The following ZNF804B variants were observed in gnomAD, a reference collection of about 807,000 sequenced individuals.
The protein encoded by ZNF804B is zinc finger protein 804B.
ZNF804B carries 80 observed loss-of-function variants against 101.4 expected under a neutral mutation model. That is an observed-to-expected ratio of 0.79 (90% confidence interval 0.66 to 0.95). ZNF804B has a LOEUF of 0.95. Among genes scored for constraint, ZNF804B ranks in the 40% least tolerant of loss-of-function variants. The pLI is 0.00. For missense variants in ZNF804B, 1,673 were observed against 1,561.9 expected, an observed-to-expected ratio of 1.07 and a Z score of -1.20; for synonymous variants, 622 against 558.8, an observed-to-expected ratio of 1.11 and a Z score of -1.59.
At chr7:89,236,575 T>C (rs1257960233) in intron 2 of ZNF804B, among the ~76,000 whole-genome samples, 2 of 152,152 alleles carry the variant, frequency 1.3e-5, no homozygotes, top group African/African-American at 4.8e-5. Flanking sequence ...TTTAGTGTAA[T>C]TAGAAATTCA....
chr7:89,104,428 T>C (rs1220409600), intron 1 of ZNF804B, among the ~76,000 whole-genome samples: 1 of 152,036 alleles, frequency 6.6e-6, no homozygotes, highest in African/African-American at 2.4e-5. Context: ...TATTGGTTTG[T>C]TCAGGGTTTC....
At chr7:88,905,815 G>A (rs1792461038) in intron 1 of ZNF804B, among the ~76,000 whole-genome samples, 1 of 150,962 alleles carries the variant, frequency 6.6e-6, no homozygotes, top group Admixed American at 6.6e-5. Flanking sequence ...CTGACAATTT[G>A]AAATAGTTTC....
chr7:89,280,887 C>G (rs1790083931), intron 2 of ZNF804B, among the ~76,000 whole-genome samples: 1 of 152,110 alleles, frequency 6.6e-6, no homozygotes, highest in Non-Finnish European at 1.5e-5. Flanking sequence ...AAGAGGGAAT[C>G]CTCCCTAACT....
At chr7:89,150,347 A>T (rs1179130240) in intron 1 of ZNF804B, among the ~76,000 whole-genome samples, 1 of 152,038 alleles carries the variant, frequency 6.6e-6, no homozygotes, top group Admixed American at 6.6e-5. Context: ...AGAAAACCTG[A>T]TGCTATGTTG....
chr7:89,163,981 A>T (rs1385983411), intron 1 of ZNF804B, among the ~76,000 whole-genome samples: 2 of 151,860 alleles, frequency 1.3e-5, no homozygotes, highest in Admixed American at 1.3e-4. Flanking sequence ...TACGCAAGGG[A>T]ATGACCATTT....
chr7:88,893,396 T>C (rs568528993), intron 1 of ZNF804B, among the ~76,000 whole-genome samples: 36 of 152,200 alleles, frequency 2.4e-4, no homozygotes, highest in Middle Eastern at 3.4e-3. Flanking sequence ...ACCCATTATT[T>C]ATATAAACCC....
At chr7:89,275,279 A>G (rs1459804672) in intron 2 of ZNF804B, among the ~76,000 whole-genome samples, 1 of 151,960 alleles carries the variant, frequency 6.6e-6, no homozygotes, top group Non-Finnish European at 1.5e-5. Context: ...GCAATTTCCA[A>G]TCACCTTGTT....
At chr7:88,969,145 T>C (rs1246396342) in intron 1 of ZNF804B, among the ~76,000 whole-genome samples, 1 of 151,616 alleles carries the variant, frequency 6.6e-6, no homozygotes, top group African/African-American at 2.4e-5. Flanking sequence ...TATTTGCTAC[T>C]AATTACATTT....
chr7:89,299,156 T>C (rs1418727476), intron 2 of ZNF804B, among the ~76,000 whole-genome samples: 3 of 152,086 alleles, frequency 2.0e-5, no homozygotes, highest in Non-Finnish European at 4.4e-5. Flanking sequence ...TTTAAACTCA[T>C]GTGCAAGATT....
intron 2 of ZNF804B, among the ~76,000 whole-genome samples, chr7:89,280,091 G>A (rs955639816): frequency 7.2e-5 from 11 of 152,148 alleles, no homozygotes; most frequent in South Asian, 6.2e-4. Flanking sequence ...ACTAGAACTC[G>A]GGATTAAGAA....
At chr7:88,971,666 A>G (rs1793539891) in intron 1 of ZNF804B, among the ~76,000 whole-genome samples, 1 of 151,642 alleles carries the variant, frequency 6.6e-6, no homozygotes, top group Non-Finnish European at 1.5e-5. Flanking sequence ...TAAAAATTGT[A>G]TTCTTTTTAG....
At position 88,796,184 on chromosome 7, in the gene ZNF804B, G is replaced by A. The variant is rs529178518; in HGVS notation, c.108+36100G>A. 6.6e-5 allele frequency among the ~76,000 whole-genome samples: 10 copies of A among 152,038 alleles called. No homozygotes were observed. In the South Asian group the frequency reaches 2.1e-3, roughly 32 times the overall value. On this transcript the variant is annotated intron_variant, in intron 1 of 3. Transcript: ENST00000333190. Reference sequence around the variant, plus strand: ...ATCTCTTAAAATTGCATCCACATGAGTTCTAAACAGTAATTTTAAAACAAG... The same window carrying A: ...ATCTCTTAAAATTGCATCCACATGAATTCTAAACAGTAATTTTAAAACAAG...
chr7:89,150,544 T>A (rs76404814), intron 1 of ZNF804B, among the ~76,000 whole-genome samples: 4,560 of 152,252 alleles, frequency 0.03, 72 homozygotes, highest in Middle Eastern at 0.048. Context: ...TTTAACCCTG[T>A]CTGCATTCCA....
chr7:88,809,315 CT>C (rs1790741574), intron 1 of ZNF804B, among the ~76,000 whole-genome samples: 2 of 48,198 alleles, frequency 4.1e-5, no homozygotes, highest in African/African-American at 2.2e-4. Flanking sequence ...ATCTATCTAT[CT>C]ATCTATCTAT....
At chr7:88,910,111 A>G (rs1422810049) in intron 1 of ZNF804B, among the ~76,000 whole-genome samples, 1 of 151,932 alleles carries the variant, frequency 6.6e-6, no homozygotes, top group Non-Finnish European at 1.5e-5. Context: ...GCAAAAAGTG[A>G]ATAGGTACAT....
intron 1 of ZNF804B, among the ~76,000 whole-genome samples, chr7:89,069,988 C>T (rs1476312472): frequency 6.6e-6 from 1 of 152,064 alleles, no homozygotes; most frequent in Non-Finnish European, 1.5e-5. Context: ...AAGTGTATTT[C>T]CCTTGGGAAA....
chr7:89,125,952 G>A lies in ZNF804B; in HGVS notation c.109-92203G>A. 1.3e-5 allele frequency among the ~76,000 whole-genome samples: 2 copies of A among 152,044 alleles called. 1 individual carries two copies. The highest frequency in any genetic ancestry group is 3.9e-4 in the East Asian group (2 of 5,172). Reference sequence around the variant, plus strand: ...TCAAGAAGATACACTATGATGGCAAGCACATTACTCTGCCTGTGTCAAGGT... The same window carrying A: ...TCAAGAAGATACACTATGATGGCAAACACATTACTCTGCCTGTGTCAAGGT... On this transcript the variant is annotated intron_variant, in intron 1 of 3. Transcript: ENST00000333190.
chr7:89,141,608 CTA>C (rs1449710793), intron 1 of ZNF804B, among the ~76,000 whole-genome samples: 1 of 151,806 alleles, frequency 6.6e-6, no homozygotes, highest in African/African-American at 2.4e-5. Context: ...CATGGTAATT[CTA>C]TGTTTAACTT....
Position 89,327,618 on chromosome 7 carries a change from A to G in ZNF804B, c.380+144A>G, listed in dbSNP as rs529909284. The G allele has an allele frequency of 1.6e-4, 183 of 1,109,594 alleles. 2 individuals are homozygous for G. The South Asian group carries it at 3.0e-3, about 18-fold the overall frequency. The allele number at this position is 1,109,594 out of a possible 1,614,324, so 68.7% of individuals were successfully genotyped here. A position where few individuals can be genotyped will look rare whatever the true frequency, so the allele number is the denominator to read the frequency against. On this transcript the variant is annotated intron_variant, in intron 3 of 3. Coordinates refer to ENST00000333190, the MANE Select transcript of ZNF804B (RefSeq NM_181646.5). ...AGGGCAAATATAGTTAAACATACAT[A>G]AATTAATAACTTTTGGCCTTTGATA...
Sources: gnomAD v4.1 joint callset for allele counts (sites outside exome capture counted in the v4.1 genomes callset) on GRCh38, gnomAD v4.1.1 for gene constraint, MANE v1.5 for transcripts, NCBI Gene and HGNC (gene_info 2026-07-23, HGNC 2026-07-21) for gene names.